TP63: variants seen among roughly 807,000 people sequenced by gnomAD.
TP63 encodes tumor protein 63.
Under a neutral mutation model 82.8 loss-of-function variants are expected in TP63, and 17 were observed. The observed-to-expected ratio is 0.21, with a 90% CI of 0.14 to 0.31. TP63 has a LOEUF of 0.31. Ranked by LOEUF, TP63 falls within the 10% of genes least tolerant of loss-of-function variation. TP63 has a pLI of 1.00. For synonymous variants in TP63, 330 were observed against 321.7 expected (o/e 1.03, Z -0.28); for missense variants, 648 against 895.3 (o/e 0.72, Z 3.52).
chr3:189,799,044 C>T (rs993495612), intron 3 of TP63, among the ~76,000 whole-genome samples: 1 of 152,014 alleles, frequency 6.6e-6, no homozygotes, highest in Non-Finnish European at 1.5e-5. Flanking sequence ...ACAGTGTTCC[C>T]CGCTTGAATG....
chr3:189,806,214 C>T (rs974277612), intron 3 of TP63, among the ~76,000 whole-genome samples: 2 of 150,998 alleles, frequency 1.3e-5, no homozygotes, highest in Admixed American at 1.3e-4. Context: ...CGTCTTTGTT[C>T]TCATCCAAGC....
chr3:189,853,022 A>G (rs553178105), intron 4 of TP63, among the ~76,000 whole-genome samples: 1 of 152,226 alleles, frequency 6.6e-6, no homozygotes, highest in South Asian at 2.1e-4. Flanking sequence ...GCCTAGTTTA[A>G]ATATCACTAC....
At chr3:189,840,359 CTTTTTTTT>C in intron 4 of TP63, among the ~76,000 whole-genome samples, 3 of 44,444 alleles carry the variant, frequency 6.8e-5, no homozygotes, top group African/African-American at 1.1e-4. Context: ...TGCTTTTCGT[CTTTTTTTT>C]TTTTTTTTTT....
intron 3 of TP63, among the ~76,000 whole-genome samples, chr3:189,806,332 T>C (rs1230503719): frequency 1.3e-5 from 2 of 152,134 alleles, no homozygotes; most frequent in African/African-American, 2.4e-5. Flanking sequence ...AGTTTCTTTG[T>C]CCTTTTTGTC....
rs1281552094 is a variant in TP63 at position 189,878,810 on chromosome 3, A to G, written c.1349+5815A>G. Among the ~76,000 whole-genome samples the G allele has an allele frequency of 3.1e-5, 3 of 96,782 alleles. 1 individual carries two copies. Among genetic ancestry groups the G allele is most frequent in the African/African-American group, 1.3e-4 (3 of 23,666 alleles). The allele number at this position is 96,782 out of a possible 152,430, so 63.5% of individuals were successfully genotyped here. A position where few individuals can be genotyped will look rare whatever the true frequency, so the allele number is the denominator to read the frequency against. Reference sequence around the variant, plus strand: ...TCTGAATTGGTAATGAAGAAAAACCATAGAGACGGGGTTTCACCATGTTGG... The same window carrying G: ...TCTGAATTGGTAATGAAGAAAAACCGTAGAGACGGGGTTTCACCATGTTGG... On this transcript the variant is annotated intron_variant, in intron 10 of 13. Transcript: ENST00000264731.
At chr3:189,603,757 A>G in the TP63 span, among the ~76,000 whole-genome samples, 1 of 151,152 alleles carries the variant, frequency 6.6e-6, no homozygotes, top group Non-Finnish European at 1.5e-5. Context: ...TTTTACCTTT[A>G]AGTATTAAAC....
chr3:189,794,476 A>C (rs999497896), intron 3 of TP63, among the ~76,000 whole-genome samples: 1 of 152,064 alleles, frequency 6.6e-6, no homozygotes, highest in African/African-American at 2.4e-5. Flanking sequence ...GAAATTTCCA[A>C]GTTCTAGAAA....
the TP63 span, among the ~76,000 whole-genome samples, chr3:189,622,957 A>G: frequency 3.9e-4 from 59 of 152,158 alleles, no homozygotes; most frequent in South Asian, 1.7e-3. Context: ...GATTTCTAAG[A>G]TTTTTTTTCT....
At chr3:189,685,862 T>C (rs1716393308) in intron 1 of TP63, among the ~76,000 whole-genome samples, 2 of 152,128 alleles carry the variant, frequency 1.3e-5, no homozygotes, top group South Asian at 4.2e-4. Context: ...CGAGACAATA[T>C]GAGCTTTTTA....
At chr3:189,684,105 A>C (rs529311230) in intron 1 of TP63, among the ~76,000 whole-genome samples, 1 of 152,304 alleles carries the variant, frequency 6.6e-6, no homozygotes, top group East Asian at 1.9e-4. Context: ...TTCTGTACAA[A>C]TATAACAACA....
In TP63 at chr3:189,872,872, A is replaced by G; in HGVS notation, c.1226A>G (p.Glu409Gly). 1.9e-6 allele frequency: 3 copies of G among 1,614,104 alleles called. No individual in the cohort carries two copies. The highest frequency in any genetic ancestry group is 2.5e-6 in the Non-Finnish European group (3 of 1,179,984). Reference protein sequence around the residue: ...ELLYLPVRGRETYEMLLKIKE... With the variant: ...ELLYLPVRGRGTYEMLLKIKE... ...TCACTTCCATAGGTGAGGGGCCGTG[A>G]GACTTATGAAATGCTGTTGAAGATC... is the stretch of plus-strand genomic sequence containing the variant. The change falls in exon 10 of 14, where the codon GAG becomes GGG. Residue 409 changes from glutamate (E) to glycine (G), a missense_variant. By Grantham distance (98) the Glu-to-Gly change is moderately conservative. Around this residue, in one of 5 missense-constraint regions of TP63, gnomAD observed 342 missense variants for 425.7 expected, o/e 0.80. Coordinates refer to ENST00000264731, the MANE Select transcript of TP63 (RefSeq NM_003722.5).
chr3:189,704,522 C>G (rs148212833), intron 1 of TP63, among the ~76,000 whole-genome samples: 129 of 152,292 alleles, frequency 8.5e-4, no homozygotes, highest in African/African-American at 2.6e-3. Context: ...TCATTGTACC[C>G]TCTGTTTTCT....
At chr3:189,884,059 T>G (rs540692405) in intron 10 of TP63, among the ~76,000 whole-genome samples, 1 of 152,182 alleles carries the variant, frequency 6.6e-6, no homozygotes, top group Non-Finnish European at 1.5e-5. Flanking sequence ...GAGGGACAGA[T>G]AGAGAGGTCT....
chr3:189,868,041 C>A, intron 7 of TP63, 99 bp downstream of exon 7: 2 of 964,526 alleles, frequency 2.1e-6, no homozygotes, highest in Non-Finnish European at 3.3e-6. Flanking sequence ...GCATGTGCAG[C>A]GGAGAGCTTG....
chr3:189,806,754 G>A (rs1726956361), intron 3 of TP63, among the ~76,000 whole-genome samples: 3 of 152,134 alleles, frequency 2.0e-5, no homozygotes, highest in African/African-American at 7.2e-5. Context: ...GAGCAAATGG[G>A]GACATGGCAT....
the TP63 span, among the ~76,000 whole-genome samples, chr3:189,611,107 AT>A: frequency 1.3e-5 from 2 of 152,096 alleles, no homozygotes; most frequent in East Asian, 3.8e-4. Flanking sequence ...TATCAACTCT[AT>A]TGATAGTTTC....
rs542529211 is a variant in TP63, at chr3:189,870,803, G to A, written c.1212+1397G>A. 4.6e-5 allele frequency among the ~76,000 whole-genome samples: 7 copies of A among 152,238 alleles called. No homozygotes were observed. In the East Asian group the frequency reaches 1.2e-3, roughly 25 times the overall value. On this transcript the variant is annotated intron_variant, in intron 9 of 13. Coordinates refer to ENST00000264731, the MANE Select transcript of TP63 (RefSeq NM_003722.5). ...CATAGCCCTTGATGCCATCTAAAGCGATGACATGAGACACAGCCAAGCAGG... is the reference window on the plus strand; with the variant it reads ...CATAGCCCTTGATGCCATCTAAAGCAATGACATGAGACACAGCCAAGCAGG...
At chr3:189,667,461 G>A (rs1192036989) in intron 1 of TP63, among the ~76,000 whole-genome samples, 1 of 151,984 alleles carries the variant, frequency 6.6e-6, no homozygotes, top group African/African-American at 2.4e-5. Flanking sequence ...GTGCGAGAAA[G>A]TAGATTTAAG....
chr3:189,683,253 C>T (rs1716131645), intron 1 of TP63, among the ~76,000 whole-genome samples: 1 of 152,058 alleles, frequency 6.6e-6, no homozygotes. Context: ...TGTATCTGTT[C>T]ATTTAGGCTT....
Sources: gnomAD v4.1 joint callset for allele counts (sites outside exome capture counted in the v4.1 genomes callset) on GRCh38, gnomAD v4.1.1 for gene constraint, gnomAD v4.1.1 regional missense constraint, MANE v1.5 for transcripts, NCBI Gene and HGNC (gene_info 2026-07-23, HGNC 2026-07-21) for gene names.